ART5: variants seen among roughly 807,000 people sequenced by gnomAD.
The protein encoded by ART5 is ADP-ribosyltransferase 5.
ART5 carries 22 observed loss-of-function variants against 25.0 expected under a neutral mutation model. The ratio of observed to expected loss-of-function variants is 0.88; its 90% confidence interval spans 0.63 to 1.26. The LOEUF is 1.26. Ranked by LOEUF, ART5 falls within the 50% of genes most tolerant of loss-of-function variation. The probability of loss-of-function intolerance (pLI) is 0.00; values close to 1 mark genes in which losing one functional copy is unlikely to be tolerated. For missense variants in ART5, 402 were observed against 372.8 expected (o/e 1.08, Z -0.64); for synonymous variants, 161 against 154.8 (o/e 1.04, Z -0.30).
In ART5 at chr11:3,640,308, C is replaced by A. The variant is rs749324307; in HGVS notation, c.121G>T (p.Gly41Cys). The A allele has an allele frequency of 6.2e-7, 1 of 1,612,778 alleles. No homozygotes were observed. The highest frequency in any genetic ancestry group is 8.5e-7 in the Non-Finnish European group (1 of 1,179,714). ...APDTFDDTYV[G>C]CAEEMEEKAA... is the part of the protein sequence containing the mutation. ...TTCTCCTCCATCTCCTCTGCACAAC[C>A]CACATAGGTATCGTCAAAGGTGTCT... The change falls in exon 2 of 4, where the codon GGT becomes TGT. Residue 41 changes from glycine (G) to cysteine (C), a missense_variant. By Grantham distance (159) the Gly-to-Cys change is radical. Transcript: ENST00000397068.
At chr11:3,641,733 G>C (rs1337187846) in intron 1 of ART5, 73 bp downstream of exon 1, 1 of 1,544,896 alleles carries the variant, frequency 6.5e-7, no homozygotes, top group South Asian at 1.2e-5. Context: ...TGAGGAGTCA[G>C]CCCCGGGTCC....
chr11:3,638,963 G>C (rs2077351468), intron 3 of ART5, 40 bp downstream of exon 3: 2 of 1,565,532 alleles, frequency 1.3e-6, no homozygotes, highest in South Asian at 2.3e-5. Flanking sequence ...AGGGTGAGGG[G>C]GAGTCAAAGC....
chr11:3,639,976 G>A lies in ART5; in HGVS notation c.453C>T (p.Ser151=). 1.2e-6 allele frequency: 2 copies of A among 1,614,174 alleles called. No homozygotes were observed. The highest frequency in any genetic ancestry group is 1.7e-6 in the Non-Finnish European group (2 of 1,180,034). Residue 151 remains serine, a synonymous_variant, in exon 2 of 4, where the codon AGC becomes AGT. Coordinates refer to ENST00000397068, the MANE Select transcript of ART5 (RefSeq NM_053017.5). ...GGAACACCACCTCCCCAGGTCCCCT[G>A]CTGCAGCCCCCACTGCCTCGCAGCA... ...LQLLRGSGGC[S]RGPGEVVFRG...
chr11:3,639,375 C>T (rs1423782593), intron 2 of ART5, among the ~76,000 whole-genome samples: 1 of 152,188 alleles, frequency 6.6e-6, no homozygotes, highest in Non-Finnish European at 1.5e-5. Flanking sequence ...ATCTCCTTAA[C>T]CAGGTTCTTT....
Position 3,638,657 on chromosome 11 carries a change from C to T in ART5, c.*81G>A. ...CCATCACATAGCAGAGTTCCCTCAG[C>T]CCTGCTGTGGCCTCCCCAGGCCAAC... On this transcript the variant is annotated 3_prime_UTR_variant, in exon 4 of 4. Coordinates refer to ENST00000397068, the MANE Select transcript of ART5 (RefSeq NM_053017.5). The T allele has an allele frequency of 1.9e-6, 3 of 1,568,662 alleles. No homozygotes were observed. The highest frequency in any genetic ancestry group is 1.4e-5 in the African/African-American group (1 of 73,820).
chr11:3,639,489 G>A (rs762263000), intron 2 of ART5, among the ~76,000 whole-genome samples, 153 bp downstream of exon 2: 1 of 152,172 alleles, frequency 6.6e-6, no homozygotes, highest in Admixed American at 6.5e-5. Context: ...CAAAAAACCT[G>A]AGTCACAGAG....
chr11:3,642,146 T>G, upstream of ART5: 1 of 1,292,914 alleles, frequency 7.7e-7, no homozygotes, highest in Non-Finnish European at 9.8e-7. Context: ...TGGCTCCGCC[T>G]GAGAGGGGAG....
rs1476749379 is a variant in ART5 at position 3,640,001 on chromosome 11, AGCT to A, written c.425_427del (p.Gln142del). 11 of 1,614,166 alleles carry A rather than the reference AGCT, an allele frequency of 6.8e-6. No homozygotes were observed. The Admixed American group carries it at 1.3e-4, about 20-fold the overall frequency. On this transcript the variant is annotated inframe_deletion, in exon 2 of 4. Transcript: ENST00000397068. ...GCTGCAGCCCCCACTGCCTCGCAGC[AGCT>A]GCAGGGCCCGGATCAGGTAGAAATG...
rs781119812 is a variant in ART5 at position 3,639,835 on chromosome 11, G to C, written c.594C>G (p.Thr198=). The C allele has an allele frequency of 2.5e-6, 4 of 1,614,162 alleles. No individual in the cohort carries two copies. Among genetic ancestry groups the C allele is most frequent in the East Asian group, 4.5e-5 (2 of 44,876 alleles). ...CAAAGCAAGTTGTTAGAGAGAAGAG[G>C]GTGGCATTACCAAATCTGTGGGCCA... ...KAVAHRFGNA[T]LFSLTTCFGA... is the part of the protein sequence containing the mutation. The change falls in exon 2 of 4, where the codon ACC becomes ACG. Residue 198 remains threonine (T), a synonymous_variant. Coordinates refer to ENST00000397068, the MANE Select transcript of ART5 (RefSeq NM_053017.5).
Position 3,639,930 on chromosome 11 carries a change from A to C in ART5, c.499T>G (p.Phe167Val), listed in dbSNP as rs1378855444. The C allele has an allele frequency of 6.2e-7, 1 of 1,614,060 alleles. No individual in the cohort carries two copies. Among genetic ancestry groups the C allele is most frequent in the Admixed American group, 1.7e-5 (1 of 60,008 alleles). ...VVFRGVGSLRFEPKRLGDSVR... is the reference protein window; with the variant it reads ...VVFRGVGSLRVEPKRLGDSVR... ...GAGTCTCCCAGCCTCTTGGGTTCAA[A>C]GCGAAGGCTGCCCACACCTCGGAAC... The change falls in exon 2 of 4, where the codon TTT (phenylalanine) becomes GTT (valine). Residue 167 changes from phenylalanine to valine, a missense_variant. Physicochemically the swap from Phe to Val is conservative, Grantham distance 50 (BLOSUM62 -1). Coordinates refer to ENST00000397068, the MANE Select transcript of ART5 (RefSeq NM_053017.5).
chr11:3,642,212 G>A, upstream of ART5: 2 of 1,160,392 alleles, frequency 1.7e-6, no homozygotes, highest in Non-Finnish European at 2.1e-6. Context: ...GGGAGGGAGC[G>A]CCGAGGGCTC....
At position 3,641,984 on chromosome 11, in the gene ART5, T is replaced by C; in HGVS notation, c.-122A>G. On this transcript the variant is annotated 5_prime_UTR_variant, in exon 1 of 4. Transcript: ENST00000397068. ...GTCTCCAGGCGCACGGGATCCCGGG[T>C]CCAGGATTAGGGCCCCGGCGGGGCG... is the stretch of plus-strand genomic sequence containing the variant. The C allele has an allele frequency of 6.9e-7, 1 of 1,457,094 alleles. No individual in the cohort carries two copies. Among genetic ancestry groups the C allele is most frequent in the East Asian group, 2.6e-5 (1 of 38,482 alleles). The allele number at this position is 1,457,094 out of a possible 1,614,324, so 90.3% of individuals were successfully genotyped here.
At chr11:3,639,119 T>TGG in intron 2 of ART5, 84 bp from the exon 3 acceptor site, 1 of 1,419,906 alleles carries the variant, frequency 7.0e-7, no homozygotes, top group Non-Finnish European at 9.6e-7. Flanking sequence ...GCAGGGCCAT[T>TGG]TCCCTTCTCA....
In ART5 at chr11:3,641,967, G is replaced by A. The variant is rs941319403; in HGVS notation, c.-105C>T. The A allele has an allele frequency of 5.5e-4, 828 of 1,499,632 alleles. No homozygotes were observed. Among genetic ancestry groups the A allele is most frequent in the Non-Finnish European group, 7.1e-4 (796 of 1,122,438 alleles). 92.9% of individuals were successfully genotyped at this position (1,499,632 alleles called of 1,614,324 possible). A position where few individuals can be genotyped will look rare whatever the true frequency, so the allele number is the denominator to read the frequency against. ...AGGCAGATCTGGACCCTGTCTCCAG[G>A]CGCACGGGATCCCGGGTCCAGGATT... On this transcript the variant is annotated 5_prime_UTR_variant, in exon 1 of 4. Transcript: ENST00000397068.
Position 3,640,205 on chromosome 11 carries a change from C to T in ART5, c.224G>A (p.Trp75Ter), listed in dbSNP as rs1472610259. The T allele has an allele frequency of 6.2e-7, 1 of 1,613,964 alleles. No individual in the cohort carries two copies. The highest frequency in any genetic ancestry group is 1.7e-5 in the Admixed American group (1 of 60,032). Residue 75 changes from tryptophan to a stop codon, truncating the protein, a stop_gained, in exon 2 of 4, where the codon TGG becomes TAG. Transcript: ENST00000397068. LOFTEE classifies it high-confidence loss of function. ...RESWEAAQET[W>*]EDKRRGLTLP... ...GGTAAGCCCTCGACGCTTGTCCTCC[C>T]AGGTCTCCTGGGCTGCCTCCCAGGA...
At chr11:3,640,465 C>A in intron 1 of ART5, 94 bp from the exon 2 acceptor site, 1 of 1,418,784 alleles carries the variant, frequency 7.0e-7, no homozygotes. Flanking sequence ...AACACAGAAT[C>A]TCATTTCTAT....
chr11:3,642,085 G>C, upstream of ART5: 16 of 1,407,882 alleles, frequency 1.1e-5, no homozygotes, highest in Non-Finnish European at 1.5e-5. Context: ...CCCTTCCTCA[G>C]AGCCTCCAGT....
chr11:3,640,306 A>G lies in ART5; in HGVS notation c.123T>C (p.Gly41=), dbSNP rs770037678. ...CCTTCTCCTCCATCTCCTCTGCACA[A>G]CCCACATAGGTATCGTCAAAGGTGT... ...APDTFDDTYV[G]CAEEMEEKAA... The change falls in exon 2 of 4, where the codon GGT becomes GGC. Residue 41 remains glycine (G), a synonymous_variant. Transcript: ENST00000397068. 3 of 1,612,812 alleles carry G rather than the reference A, an allele frequency of 1.9e-6. No homozygotes were observed. Among genetic ancestry groups the G allele is most frequent in the East Asian group, 2.2e-5 (1 of 44,836 alleles).
At chr11:3,639,555 C>T (rs1032238602) in intron 2 of ART5, 87 bp downstream of exon 2, 61 of 1,504,264 alleles carry the variant, frequency 4.1e-5, no homozygotes, top group Non-Finnish European at 5.0e-5. Flanking sequence ...AAGTGGGTCT[C>T]CCGAAGGCCC....
Sources: gnomAD v4.1 joint callset for allele counts (sites outside exome capture counted in the v4.1 genomes callset) on GRCh38, gnomAD v4.1.1 for gene constraint, MANE v1.5 for transcripts, NCBI Gene and HGNC (gene_info 2026-07-23, HGNC 2026-07-21) for gene names.